Variants in PTHLH observed in about 807,000 individuals in gnomAD.
PTHLH encodes parathyroid hormone like hormone, also known as parathyroid hormone-related protein.
In PTHLH, 5 loss-of-function variants were observed where a neutral mutation model predicts 18.6. That is an observed-to-expected ratio of 0.27 (90% CI 0.14 to 0.56). The LOEUF (loss-of-function observed/expected upper bound fraction) is 0.56, where lower values mean the gene tolerates loss of function less well. PTHLH is among the 20% of genes least tolerant of loss of function. PTHLH has a pLI of 0.92. For synonymous variants in PTHLH, 90 were observed against 94.0 expected, an observed-to-expected ratio of 0.96 and a Z score of 0.25; for missense variants, 207 against 223.9, an observed-to-expected ratio of 0.92 and a Z score of 0.48.
Position 27,958,532 on chromosome 12 carries a change from G to A in PTHLH, c.*27C>T. The A allele has an allele frequency of 6.4e-7, 1 of 1,564,986 alleles. No homozygotes were observed. Among genetic ancestry groups the A allele is most frequent in the Non-Finnish European group, 8.7e-7 (1 of 1,151,052 alleles). On this transcript the variant is annotated 3_prime_UTR_variant, in exon 6 of 6. Coordinates refer to ENST00000545234, the MANE Select transcript of PTHLH (RefSeq NM_198965.2). ...TCACTATTACAGAATCCTGCAATAT[G>A]TCCTTGGAAGGTCTCTGCTGAAAAT...
intron 3 of PTHLH, 71 bp downstream of exon 3, chr12:27,969,954 C>A (rs1410977138): frequency 5.8e-6 from 3 of 519,300 alleles, no homozygotes; most frequent in African/African-American, 5.8e-5. Flanking sequence ...AGCTTCTTTG[C>A]GAACCAGGCC....
chr12:27,959,155 TATG>T (rs1007699880), intron 5 of PTHLH, among the ~76,000 whole-genome samples: 5 of 152,192 alleles, frequency 3.3e-5, no homozygotes, highest in Non-Finnish European at 7.3e-5. Flanking sequence ...TAGTTGATGA[TATG>T]ATATTTGGCA....
At chr12:27,958,795 C>T (rs188695842) in intron 5 of PTHLH, among the ~76,000 whole-genome samples, 31 of 152,132 alleles carry the variant, frequency 2.0e-4, no homozygotes, top group Admixed American at 1.8e-3. Flanking sequence ...CCCATATGTG[C>T]GGAAAGGAAA....
chr12:27,963,264 T>C, intron 5 of PTHLH, 84 bp downstream of exon 5: 1 of 1,605,538 alleles, frequency 6.2e-7, no homozygotes, highest in South Asian at 1.1e-5. Flanking sequence ...AAATTCTAGG[T>C]TTGTCCAAGC....
chr12:27,958,456 T>C lies in PTHLH; in HGVS notation c.*103A>G. Reference sequence around the variant, plus strand: ...AATGGGGGAGACAGTTTTATTCCAATGCATTTACAGTATTTACAGACAATA... The same window carrying C: ...AATGGGGGAGACAGTTTTATTCCAACGCATTTACAGTATTTACAGACAATA... On this transcript the variant is annotated 3_prime_UTR_variant, in exon 6 of 6. Transcript: ENST00000545234. 1 of 1,119,072 alleles carries C rather than the reference T, an allele frequency of 8.9e-7. No individual in the cohort carries two copies. The highest frequency in any genetic ancestry group is 2.0e-5 in the South Asian group (1 of 50,442). 69.3% of individuals were successfully genotyped at this position (1,119,072 alleles called of 1,614,324 possible). A position where few individuals can be genotyped will look rare whatever the true frequency, so the allele number is the denominator to read the frequency against.
Position 27,963,545 on chromosome 12 carries a change from G to T in PTHLH, c.327C>A (p.Asn109Lys). The T allele has an allele frequency of 6.2e-7, 1 of 1,614,166 alleles. No homozygotes were observed. Among genetic ancestry groups the T allele is most frequent in the Non-Finnish European group, 8.5e-7 (1 of 1,180,022 alleles). Residue 109 changes from asparagine to lysine, a missense_variant, in exon 5 of 6, where the codon AAC (asparagine) becomes AAA (lysine). Transcript: ENST00000545234. ...DEGRYLTQETNKVETYKEQPL... is the reference protein window; with the variant it reads ...DEGRYLTQETKKVETYKEQPL... ...GCTGCTCTTTGTACGTCTCCACCTT[G>T]TTAGTTTCCTGAGTTAGGTATCTGC...
intron 4 of PTHLH, among the ~76,000 whole-genome samples, chr12:27,965,806 T>C (rs1237834830): frequency 1.3e-5 from 2 of 152,252 alleles, no homozygotes; most frequent in African/African-American, 4.8e-5. Flanking sequence ...GTACAAGGTA[T>C]TTATATCCTT....
Position 27,969,382 on chromosome 12 carries a change from TG to T in PTHLH, c.101+11del. The T allele has an allele frequency of 6.4e-7, 1 of 1,567,286 alleles. No homozygotes were observed. ...CCCCAACCCGGCGCCCTGGGGAGGA[TG>T]GGGCACTTACAGGCGGCGGCTGAGA... On this transcript the variant is annotated intron_variant, in intron 4 of 5. Coordinates refer to ENST00000545234, the MANE Select transcript of PTHLH (RefSeq NM_198965.2).
rs962751957 is a variant in PTHLH at position 27,958,445 on chromosome 12, T to A, written c.*114A>T. The A allele has an allele frequency of 1.1e-5, 12 of 1,078,926 alleles. No individual in the cohort carries two copies. The highest frequency in any genetic ancestry group is 1.5e-5 in the Non-Finnish European group (12 of 779,938). 66.8% of individuals were successfully genotyped at this position (1,078,926 alleles called of 1,614,324 possible). A position where few individuals can be genotyped will look rare whatever the true frequency, so the allele number is the denominator to read the frequency against. ...TTTCATAGAGCAATGGGGGAGACAG[T>A]TTTATTCCAATGCATTTACAGTATT... On this transcript the variant is annotated 3_prime_UTR_variant, in exon 6 of 6. Transcript: ENST00000545234.
At chr12:27,966,520 A>G (rs1200794263) in intron 4 of PTHLH, among the ~76,000 whole-genome samples, 2 of 152,206 alleles carry the variant, frequency 1.3e-5, no homozygotes, top group Non-Finnish European at 2.9e-5. Flanking sequence ...AGTGAGTAAT[A>G]AATTCAAATT....
chr12:27,963,987 C>T lies in PTHLH; in HGVS notation c.102-217G>A, dbSNP rs991377166. 7.9e-5 allele frequency among the ~76,000 whole-genome samples: 12 copies of T among 152,138 alleles called. No individual in the cohort carries two copies. In the South Asian group the frequency reaches 8.3e-4, roughly 11 times the overall value. ...AGCTCATGGTCCCAGTTCTACCACT[C>T]ACTAGGTTGTGACCTTGGTGGGAAC... is the stretch of plus-strand genomic sequence containing the variant. On this transcript the variant is annotated intron_variant, in intron 4 of 5. Coordinates refer to ENST00000545234, the MANE Select transcript of PTHLH (RefSeq NM_198965.2).
chr12:27,960,717 C>CAA (rs146277675), intron 5 of PTHLH, among the ~76,000 whole-genome samples: 4,025 of 96,026 alleles, frequency 0.042, 83 homozygotes, highest in Middle Eastern at 0.11. Context: ...GACTCTGTCT[C>CAA]AAAAAAAAAA....
Position 27,963,500 on chromosome 12 carries a change from C to T in PTHLH, c.372G>A (p.Lys124=). ...YKEQPLKTPG[K]KKKGKPGKRK... ...GTTTCCCGGGCTTGCCTTTCTTTTTCTTCCCAGGTGTCTTGAGCGGCTGCT... is the reference window on the plus strand; with the variant it reads ...GTTTCCCGGGCTTGCCTTTCTTTTTTTTCCCAGGTGTCTTGAGCGGCTGCT... The change falls in exon 5 of 6, where the codon AAG becomes AAA. Residue 124 remains lysine, a synonymous_variant. Coordinates refer to ENST00000545234, the MANE Select transcript of PTHLH (RefSeq NM_198965.2). The T allele has an allele frequency of 1.2e-6, 2 of 1,614,124 alleles. No homozygotes were observed. The highest frequency in any genetic ancestry group is 1.7e-6 in the Non-Finnish European group (2 of 1,180,008).
chr12:27,960,805 T>C (rs2062746854), intron 5 of PTHLH, among the ~76,000 whole-genome samples: 1 of 152,134 alleles, frequency 6.6e-6, no homozygotes, highest in African/African-American at 2.4e-5. Flanking sequence ...TCAGATCTCT[T>C]GGTTCACCAT....
chr12:27,966,047 A>G (rs149729051), intron 4 of PTHLH, among the ~76,000 whole-genome samples: 336 of 152,310 alleles, frequency 2.2e-3, no homozygotes, highest in African/African-American at 7.9e-3. Flanking sequence ...CTTGAGGCCA[A>G]AACTTTTAAT....
intron 5 of PTHLH, chr12:27,961,999 T>A (rs2062765915): frequency 1.5e-6 from 1 of 675,614 alleles, no homozygotes; most frequent in East Asian, 2.6e-5. Context: ...AGTGCTGTAC[T>A]GAAAAGTGAA....
intron 3 of PTHLH, 91 bp downstream of exon 3, chr12:27,969,934 C>A (rs761993837): frequency 1.9e-6 from 1 of 519,690 alleles, no homozygotes; most frequent in Non-Finnish European, 3.8e-6. Context: ...AAGTTTCCCC[C>A]TCTGAAGTCA....
chr12:27,968,814 G>T (rs543471786), intron 4 of PTHLH, among the ~76,000 whole-genome samples: 1 of 152,344 alleles, frequency 6.6e-6, no homozygotes, highest in African/African-American at 2.4e-5. Context: ...TAGCGTTCCT[G>T]AACTGTATCA....
At position 27,963,465 on chromosome 12, in the gene PTHLH, T is replaced by G; in HGVS notation, c.407A>C (p.Gln136Pro). 6.2e-7 allele frequency: 1 copy of G among 1,614,206 alleles called. No homozygotes were observed. The highest frequency in any genetic ancestry group is 1.1e-5 in the South Asian group (1 of 91,082). Residue 136 changes from glutamine (Q) to proline (P), a missense_variant, in exon 5 of 6, where the codon CAG (glutamine) becomes CCG (proline). Physicochemically the swap from Gln to Pro is moderately conservative, Grantham distance 76. Transcript: ENST00000545234. The part of the protein sequence containing the change: ...KKGKPGKRKE[Q>P]EKKKRRTRSA... ...GCGAGTTCGCCGTTTTTTCTTTTCC[T>G]GCTCCTTGCGTTTCCCGGGCTTGCC... is the stretch of plus-strand genomic sequence containing the variant.
Sources: gnomAD v4.1 joint callset for allele counts (sites outside exome capture counted in the v4.1 genomes callset) on GRCh38, gnomAD v4.1.1 for gene constraint, MANE v1.5 for transcripts, NCBI Gene and HGNC (gene_info 2026-07-23, HGNC 2026-07-21) for gene names.